The following ACE variants were observed in gnomAD, a reference collection of about 807,000 sequenced individuals.
ACE encodes the protein angiotensin I converting enzyme.
In ACE, 122 loss-of-function variants were observed where a neutral mutation model predicts 162.3. The observed-to-expected ratio is 0.75, with a 90% CI of 0.65 to 0.87. The LOEUF (loss-of-function observed/expected upper bound fraction) is 0.87, where lower values mean the gene tolerates loss of function less well. Ranked by LOEUF, ACE falls within the 40% of genes least tolerant of loss-of-function variation. The pLI is 0.00. For synonymous variants in ACE, 796 were observed against 720.6 expected (o/e 1.10, Z -1.68); for missense variants, 1,799 against 1,735.1 (o/e 1.04, Z -0.65).
intron 23 of ACE, 57 bp from the exon 24 acceptor site, chr17:63,496,741 G>C (rs2030758514): frequency 6.2e-7 from 1 of 1,603,750 alleles, no homozygotes. Flanking sequence ...GATGTCAGGT[G>C]GGGGCAAGAG....
Position 63,496,449 on chromosome 17 carries a change from G to T in ACE, c.3436G>T (p.Ala1146Ser). The change falls in exon 23 of 25, where the codon GCT (alanine) becomes TCT (serine). Residue 1146 changes from alanine (A) to serine (S), a missense_variant. Ala to Ser is a moderately conservative substitution (Grantham distance 99). Transcript: ENST00000290866. ...FQFHEALCQA[A>S]GHTGPLHKCD... is the part of the protein sequence containing the mutation. ...GTTCCACGAGGCACTGTGCCAGGCA[G>T]CTGGCCACACGGGCCCCCTGCACAA... 6.2e-7 allele frequency: 1 copy of T among 1,614,232 alleles called. No homozygotes were observed. Among genetic ancestry groups the T allele is most frequent in the Non-Finnish European group, 8.5e-7 (1 of 1,180,054 alleles).
intron 14 of ACE, 109 bp from the exon 15 acceptor site, chr17:63,486,877 C>T (rs1467390713): frequency 6.8e-7 from 1 of 1,464,084 alleles, no homozygotes; most frequent in East Asian, 2.3e-5. Context: ...CAGCGCTCCC[C>T]AGCTCCCTGG....
At position 63,481,682 on chromosome 17, in the gene ACE, G is replaced by A; in HGVS notation, c.1062G>A (p.Gly354=). Residue 354 remains glycine (G), a synonymous_variant, in exon 7 of 25, where the codon GGG becomes GGA. Transcript: ENST00000290866. ...CGATGCTGGAGAAGCCGGCCGACGG[G>A]CGGGAAGTGGTGTGCCACGCCTCGG... ...EGSMLEKPAD[G]REVVCHASAW... is the part of the protein sequence containing the mutation. The A allele has an allele frequency of 1.2e-6, 2 of 1,614,202 alleles. No individual in the cohort carries two copies. Among genetic ancestry groups the A allele is most frequent in the Non-Finnish European group, 1.7e-6 (2 of 1,180,032 alleles).
At chr17:63,482,099 C>A (rs755636653) in intron 7 of ACE, among the ~76,000 whole-genome samples, 14 of 152,074 alleles carry the variant, frequency 9.2e-5, no homozygotes, top group Non-Finnish European at 1.5e-4. Flanking sequence ...GAGTTCGAGA[C>A]CAGCCTGGCC....
rs12720736 is a variant in ACE at position 63,486,836 on chromosome 17, T to C, written c.2217+121T>C. On this transcript the variant is annotated intron_variant, in intron 14 of 24. Transcript: ENST00000290866. ...TTGTATCAAGTCATGGCATCTGCCA[T>C]GCGATGTGCACCTCAGAACTGCTGA... 649 of 1,499,326 alleles carry C rather than the reference T, an allele frequency of 4.3e-4. 1 individual carries two copies. The African/African-American group carries it at 7.6e-3, about 17-fold the overall frequency. 92.9% of individuals were successfully genotyped at this position (1,499,326 alleles called of 1,614,324 possible).
intron 17 of ACE, among the ~76,000 whole-genome samples, chr17:63,489,421 G>A (rs2030224441): frequency 6.6e-6 from 1 of 152,206 alleles, no homozygotes; most frequent in African/African-American, 2.4e-5. Context: ...AACATTGTGT[G>A]ATCTTAGAGG....
rs1363496774 is a variant in ACE, at chr17:63,477,191, G to C, written c.97G>C (p.Gly33Arg). The C allele has an allele frequency of 6.8e-7, 1 of 1,479,666 alleles. No individual in the cohort carries two copies. Among genetic ancestry groups the C allele is most frequent in the Admixed American group, 2.2e-5 (1 of 46,052 alleles). 91.7% of individuals were successfully genotyped at this position (1,479,666 alleles called of 1,614,324 possible). Residue 33 changes from glycine to arginine, a missense_variant, in exon 1 of 25, where the codon GGG (glycine) becomes CGG (arginine). Physicochemically the swap from Gly to Arg is moderately radical, Grantham distance 125 (BLOSUM62 -2). Transcript: ENST00000290866. ...PPQPALALDP[G>R]LQPGNFSADE... ...GCAGCCCGCCCTGGCGTTGGACCCCGGGCTGCAGCCCGGCAACTTTTCTGC... is the reference window on the plus strand; with the variant it reads ...GCAGCCCGCCCTGGCGTTGGACCCCCGGCTGCAGCCCGGCAACTTTTCTGC...
Position 63,477,226 on chromosome 17 carries a change from CG to C in ACE, c.136del (p.Ala46ArgfsTer99). 1.3e-6 allele frequency: 2 copies of C among 1,500,436 alleles called. No individual in the cohort carries two copies. Among genetic ancestry groups the C allele is most frequent in the Non-Finnish European group, 8.9e-7 (1 of 1,128,412 alleles). 92.9% of individuals were successfully genotyped at this position (1,500,436 alleles called of 1,614,324 possible). On this transcript the variant is annotated frameshift_variant, in exon 1 of 25. Coordinates refer to ENST00000290866, the MANE Select transcript of ACE (RefSeq NM_000789.4). LOFTEE classifies it high-confidence loss of function. ...QPGNFSADEA[G>X]AQLFAQSYNS... ...CCGGCAACTTTTCTGCTGACGAGGC[CG>C]GGGCGCAGCTCTTCGCGCAGAGCTA... is the stretch of plus-strand genomic sequence containing the variant.
Position 63,477,352 on chromosome 17 carries a change from C to T in ACE, c.249+9C>T. 7.8e-7 allele frequency: 1 copy of T among 1,275,234 alleles called. No homozygotes were observed. The highest frequency in any genetic ancestry group is 1.0e-6 in the Non-Finnish European group (1 of 1,003,288). The allele number at this position is 1,275,234 out of a possible 1,614,324, so 79.0% of individuals were successfully genotyped here. A position where few individuals can be genotyped will look rare whatever the true frequency, so the allele number is the denominator to read the frequency against. On this transcript the variant is annotated intron_variant, in intron 1 of 24. Transcript: ENST00000290866. ...AGAATGCAAGGCGCCAGGTGGGCGC[C>T]CGGGCCCGGGCGGGGGCGGGGCGGG...
chr17:63,489,174 C>T, intron 17 of ACE, 42 bp downstream of exon 17: 1 of 1,594,938 alleles, frequency 6.3e-7, no homozygotes, highest in Non-Finnish European at 8.5e-7. Context: ...AAAGACGGAC[C>T]ACAGTGTGAG....
Position 63,489,089 on chromosome 17 carries a change from C to A in ACE, c.2598C>A (p.Ala866=). The A allele has an allele frequency of 1.2e-6, 2 of 1,613,162 alleles. No individual in the cohort carries two copies. Among genetic ancestry groups the A allele is most frequent in the Non-Finnish European group, 1.7e-6 (2 of 1,180,032 alleles). ...GGGCCCTGCACCGTCACTACGGGGC[C>A]CAGCACATCAACCTGGAGGGGCCCA... ...VRRALHRHYG[A]QHINLEGPIP... The change falls in exon 17 of 25, where the codon GCC becomes GCA. Residue 866 remains alanine (A), a synonymous_variant. Transcript: ENST00000290866.
chr17:63,478,884 G>A (rs916827224), intron 2 of ACE, 123 bp from the exon 3 acceptor site: 21 of 782,310 alleles, frequency 2.7e-5, no homozygotes, highest in Admixed American at 1.0e-4. Flanking sequence ...GAAGTGCCCC[G>A]GTGCCACTGA....
At position 63,487,437 on chromosome 17, in the gene ACE, C is replaced by T. The variant is rs986812857; in HGVS notation, c.2305+364C>T. Among the ~76,000 whole-genome samples, 3 of 152,144 alleles carry T rather than the reference C, an allele frequency of 2.0e-5. 1 individual carries two copies. Among genetic ancestry groups the T allele is most frequent in the African/African-American group, 7.2e-5 (3 of 41,406 alleles). On this transcript the variant is annotated intron_variant, in intron 15 of 24. Coordinates refer to ENST00000290866, the MANE Select transcript of ACE (RefSeq NM_000789.4). ...ACACTAGCTCCCCCCGGCCTCCTTT[C>T]GTGACCCTGCCCTTGACTTCCTCAC...
intron 1 of ACE, 169 bp downstream of exon 1, chr17:63,477,512 C>A: frequency 2.7e-6 from 1 of 364,122 alleles, no homozygotes; most frequent in Non-Finnish European, 4.0e-6. Context: ...GCTGCGCGCA[C>A]GGCCTGCGCT....
Position 63,490,702 on chromosome 17 carries a change from G to A in ACE, c.2642-252G>A, listed in dbSNP as rs117929909. ...AGTCACATTGGTCTCCACTGCTCACGGACAGTGAAGACCACCTGGATTCCC... is the reference window on the plus strand; with the variant it reads ...AGTCACATTGGTCTCCACTGCTCACAGACAGTGAAGACCACCTGGATTCCC... On this transcript the variant is annotated intron_variant, in intron 17 of 24. Transcript: ENST00000290866. 698 of 537,194 alleles carry A rather than the reference G, an allele frequency of 1.3e-3. 5 individuals carry two copies. In the East Asian group the frequency reaches 0.019, roughly 14 times the overall value. The allele number at this position is 537,194 out of a possible 1,614,324, so 33.3% of individuals were successfully genotyped here.
At chr17:63,483,760 G>C in intron 10 of ACE, 89 bp from the exon 11 acceptor site, 2 of 1,602,322 alleles carry the variant, frequency 1.2e-6, no homozygotes, top group Non-Finnish European at 1.7e-6. Context: ...TCCAGCCTCT[G>C]CCCTGCAGGA....
intron 13 of ACE, chr17:63,486,255 G>A (rs771895234): frequency 8.5e-6 from 4 of 468,234 alleles, no homozygotes; most frequent in African/African-American, 7.8e-5. Context: ...GGTTCAGAAA[G>A]GCCACAGAGC....
At chr17:63,496,621 G>A in intron 23 of ACE, 105 bp downstream of exon 23, 1 of 1,604,186 alleles carries the variant, frequency 6.2e-7, no homozygotes, top group Non-Finnish European at 8.5e-7. Flanking sequence ...GCCATTTTGA[G>A]CCGGGAACTC....
chr17:63,478,909 G>A (rs908001098), intron 2 of ACE, 98 bp from the exon 3 acceptor site: 21 of 1,046,338 alleles, frequency 2.0e-5, no homozygotes, highest in South Asian at 9.4e-5. Context: ...CCTTGTCCAA[G>A]CTACATCCAC....
Sources: allele counts gnomAD v4.1 joint callset (sites outside exome capture counted in the v4.1 genomes callset), GRCh38; gene constraint gnomAD v4.1.1; transcripts MANE v1.5; gene names NCBI Gene and HGNC (gene_info 2026-07-23, HGNC 2026-07-21).